Variants in SPATA45 observed in about 807,000 individuals in gnomAD.
SPATA45 encodes spermatogenesis associated 45, also known as spermatogenesis-associated protein 45.
A neutral mutation model predicts 7.0 loss-of-function variants in SPATA45; 5 were observed. The observed-to-expected ratio is 0.71, with a 90% CI of 0.37 to 1.50. The LOEUF (loss-of-function observed/expected upper bound fraction) is 1.50, where lower values mean the gene tolerates loss of function less well. Among genes scored for constraint, SPATA45 ranks in the 40% most tolerant of loss-of-function variants. The pLI, the probability that SPATA45 is intolerant of heterozygous loss-of-function variation, is 0.03. For synonymous variants in SPATA45, 40 were observed against 38.7 expected (o/e 1.03, Z -0.13); for missense variants, 111 against 114.9 (o/e 0.97, Z 0.16).
At chr1:212,830,404 G>A in intron 2 of SPATA45, 143 bp from the exon 3 acceptor site, 1 of 510,310 alleles carries the variant, frequency 2.0e-6, no homozygotes, top group Non-Finnish European at 3.5e-6. Flanking sequence ...GGGTGCGGTG[G>A]CTCACACCTG....
intron 2 of SPATA45, among the ~76,000 whole-genome samples, chr1:212,830,532 C>T (rs12095846): frequency 0.47 from 69,462 of 149,126 alleles, 17,362 homozygotes; most frequent in Non-Finnish European, 0.53. Context: ...ATTAGCCGGG[C>T]GTCGTGGCGC....
intron 1 of SPATA45, among the ~76,000 whole-genome samples, chr1:212,837,765 G>GCACT (rs1261504102): frequency 6.6e-6 from 1 of 151,802 alleles, no homozygotes. Flanking sequence ...TTGTGCCATT[G>GCACT]CACTCCAGCC....
chr1:212,847,306 A>G (rs1663817682), intron 1 of SPATA45, among the ~76,000 whole-genome samples: 1 of 152,194 alleles, frequency 6.6e-6, no homozygotes, highest in Non-Finnish European at 1.5e-5. Flanking sequence ...AGCAAATAGC[A>G]CTAGTAGCAC....
At chr1:212,840,489 G>C (rs1663660909) in intron 1 of SPATA45, among the ~76,000 whole-genome samples, 1 of 152,106 alleles carries the variant, frequency 6.6e-6, no homozygotes, top group Non-Finnish European at 1.5e-5. Flanking sequence ...ACAGAGTCTT[G>C]CTCTGTCGTC....
At chr1:212,837,353 G>A (rs1465466194) in intron 1 of SPATA45, among the ~76,000 whole-genome samples, 3 of 151,668 alleles carry the variant, frequency 2.0e-5, no homozygotes, top group Non-Finnish European at 4.4e-5. Context: ...AAAAGTGGCG[G>A]CCAGGCGCTG....
chr1:212,842,727 C>T (rs1019561228), intron 1 of SPATA45, among the ~76,000 whole-genome samples: 3 of 151,932 alleles, frequency 2.0e-5, no homozygotes, highest in African/African-American at 7.3e-5. Flanking sequence ...GATCCCAACA[C>T]TTTGGGAGGC....
chr1:212,845,171 C>A (rs1382074686), intron 1 of SPATA45, among the ~76,000 whole-genome samples: 5 of 152,176 alleles, frequency 3.3e-5, no homozygotes, highest in African/African-American at 1.2e-4. Flanking sequence ...TCTCTTAGAA[C>A]CTCTCATTTC....
At chr1:212,837,440 T>C (rs1236905548) in intron 1 of SPATA45, among the ~76,000 whole-genome samples, 2 of 150,460 alleles carry the variant, frequency 1.3e-5, no homozygotes, top group African/African-American at 2.4e-5. Context: ...AAGACCAGCC[T>C]GGCCAACATA....
chr1:212,836,307 GC>G, intron 1 of SPATA45, 120 bp from the exon 2 acceptor site: 1 of 726,960 alleles, frequency 1.4e-6, no homozygotes. Context: ...CCACCACCAA[GC>G]CTCCCACCCC....
chr1:212,838,609 G>A (rs552539370), intron 1 of SPATA45, among the ~76,000 whole-genome samples: 1 of 151,732 alleles, frequency 6.6e-6, no homozygotes, highest in Admixed American at 6.6e-5. Flanking sequence ...ATAAAGAAAT[G>A]TATCTGTACA....
At chr1:212,840,316 G>A (rs1465189388) in intron 1 of SPATA45, among the ~76,000 whole-genome samples, 2 of 145,284 alleles carry the variant, frequency 1.4e-5, no homozygotes, top group Middle Eastern at 7.3e-3. Context: ...AGGCTGATTC[G>A]GAAGAATCAC....
chr1:212,830,978 T>C (rs1043998000), intron 2 of SPATA45, among the ~76,000 whole-genome samples: 2 of 142,104 alleles, frequency 1.4e-5, no homozygotes, highest in African/African-American at 5.2e-5. Context: ...CAAGAAAAAA[T>C]CTCAAAAAAA....
intron 1 of SPATA45, among the ~76,000 whole-genome samples, chr1:212,839,190 G>C (rs1663636836): frequency 6.8e-6 from 1 of 146,314 alleles, no homozygotes; most frequent in Non-Finnish European, 1.5e-5. Context: ...ATATATTTTT[G>C]AGTAGTGTTC....
At chr1:212,845,891 A>C (rs114204851) in intron 1 of SPATA45, among the ~76,000 whole-genome samples, 2,270 of 152,302 alleles carry the variant, frequency 0.015, 16 homozygotes, top group Middle Eastern at 0.034. Context: ...ATTTTTAAAC[A>C]AACAGTGTTT....
intron 1 of SPATA45, among the ~76,000 whole-genome samples, chr1:212,841,115 A>C (rs1663674517): frequency 6.6e-6 from 1 of 151,722 alleles, no homozygotes; most frequent in Admixed American, 6.6e-5. Context: ...TAATGTTTGT[A>C]AGTCTTTTTA....
intron 2 of SPATA45, among the ~76,000 whole-genome samples, chr1:212,831,440 T>G (rs1571988543): frequency 7.0e-6 from 1 of 142,204 alleles, no homozygotes; most frequent in African/African-American, 2.6e-5. Flanking sequence ...ACCACTGCGC[T>G]CCAGCCCCAG....
chr1:212,840,584 C>T (rs892469741), intron 1 of SPATA45, among the ~76,000 whole-genome samples: 2 of 151,886 alleles, frequency 1.3e-5, no homozygotes, highest in Non-Finnish European at 2.9e-5. Context: ...CCATGCCCAG[C>T]TACTTTTTGT....
intron 1 of SPATA45, among the ~76,000 whole-genome samples, chr1:212,844,628 C>G (rs564581795): frequency 5.3e-5 from 8 of 152,270 alleles, no homozygotes; most frequent in South Asian, 4.1e-4. Flanking sequence ...GCTCTGCCCC[C>G]CTCCACTATG....
At position 212,830,580 on chromosome 1, in the gene SPATA45, G is replaced by A. The variant is rs751212226; in HGVS notation, c.278-319C>T. ...CCAGCTACTCAGGAGGCTGAGACAA[G>A]AGAATCGGTTGAACCCAGGAGGCGG... On this transcript the variant is annotated intron_variant, in intron 2 of 2. Coordinates refer to ENST00000332912, the MANE Select transcript of SPATA45 (RefSeq NM_001024601.3). 7.3e-5 allele frequency among the ~76,000 whole-genome samples: 11 copies of A among 150,920 alleles called. 1 individual carries two copies. Among genetic ancestry groups the A allele is most frequent in the Non-Finnish European group, 1.6e-4 (11 of 67,564 alleles).
Sources: allele counts gnomAD v4.1 joint callset (sites outside exome capture counted in the v4.1 genomes callset), GRCh38; gene constraint gnomAD v4.1.1; transcripts MANE v1.5; gene names NCBI Gene and HGNC (gene_info 2026-07-23, HGNC 2026-07-21).